Variants in CRACDL observed in about 807,000 individuals in gnomAD.
CRACDL encodes CRACD like.
CRACDL carries 26 observed loss-of-function variants against 70.6 expected under a neutral mutation model. The ratio of observed to expected loss-of-function variants is 0.37; its 90% CI spans 0.27 to 0.51. The LOEUF is 0.51. Among genes scored for constraint, CRACDL ranks in the 20% least tolerant of loss-of-function variants. CRACDL has a pLI of 0.94. For missense variants in CRACDL, 1,283 were observed against 1,376.9 expected (o/e 0.93, Z 1.08); for synonymous variants, 618 against 615.2 (o/e 1.00, Z -0.07).
chr2:98,931,821 C>A (rs1016091505), intron 1 of CRACDL, among the ~76,000 whole-genome samples: 1 of 152,210 alleles, frequency 6.6e-6, no homozygotes, highest in African/African-American at 2.4e-5. Context: ...TGCCCTGTTA[C>A]ATCACATGCC....
At chr2:98,902,527 G>A (rs1708308363) in intron 1 of CRACDL, among the ~76,000 whole-genome samples, 1 of 152,160 alleles carries the variant, frequency 6.6e-6, no homozygotes, top group Non-Finnish European at 1.5e-5. Context: ...GGGCACAGGC[G>A]TTCTGGTCTT....
chr2:98,921,068 C>T (rs1708789597), intron 1 of CRACDL, among the ~76,000 whole-genome samples: 1 of 152,226 alleles, frequency 6.6e-6, no homozygotes, highest in Admixed American at 6.5e-5. Context: ...AGAACCTTCT[C>T]AACAAGGTCC....
At chr2:98,844,848 T>A (rs1706183561) in intron 2 of CRACDL, among the ~76,000 whole-genome samples, 1 of 152,204 alleles carries the variant, frequency 6.6e-6, no homozygotes, top group Non-Finnish European at 1.5e-5. Flanking sequence ...AGTACCTGGG[T>A]TTGCATCCAG....
At chr2:98,847,783 AGG>A (rs573416803) in intron 1 of CRACDL, among the ~76,000 whole-genome samples, 1 of 152,252 alleles carries the variant, frequency 6.6e-6, no homozygotes, top group African/African-American at 2.4e-5. Context: ...ACACTTAAAA[AGG>A]GGGGCTTGAA....
chr2:98,845,983 G>A (rs1706238471), intron 2 of CRACDL, among the ~76,000 whole-genome samples: 2 of 152,132 alleles, frequency 1.3e-5, no homozygotes, highest in African/African-American at 4.8e-5. Context: ...ATTGGGAGCT[G>A]TTTCTCCTGA....
At chr2:98,906,112 T>A (rs1048611291) in intron 1 of CRACDL, among the ~76,000 whole-genome samples, 1 of 152,238 alleles carries the variant, frequency 6.6e-6, no homozygotes, top group African/African-American at 2.4e-5. Context: ...ACTAAGGCTC[T>A]GCTAATTTCT....
At chr2:98,881,629 TC>T (rs1211471389) in intron 1 of CRACDL, among the ~76,000 whole-genome samples, 4 of 152,154 alleles carry the variant, frequency 2.6e-5, no homozygotes, top group Admixed American at 2.6e-4. Context: ...CCTCGTGTCA[TC>T]AGGGGAGCCT....
intron 1 of CRACDL, among the ~76,000 whole-genome samples, chr2:98,895,261 T>C (rs2104644542): frequency 6.6e-6 from 1 of 152,334 alleles, no homozygotes; most frequent in East Asian, 1.9e-4. Flanking sequence ...AGGGAGGGCC[T>C]TGATGGCAAA....
intron 1 of CRACDL, among the ~76,000 whole-genome samples, chr2:98,934,588 G>A (rs1709163807): frequency 6.6e-6 from 1 of 152,148 alleles, no homozygotes; most frequent in Admixed American, 6.5e-5. Flanking sequence ...CGCATCCTAT[G>A]CAGCAGCTGA....
rs573536620 is a variant in CRACDL at position 98,923,288 on chromosome 2, A to G, written c.-11+12650T>C. ...ACTGTCTCAAAAAAAAAAAAAAAAGAAAAAGAAAATTGTGATCATGTTTGG... is the reference window on the plus strand; with the variant it reads ...ACTGTCTCAAAAAAAAAAAAAAAAGGAAAAGAAAATTGTGATCATGTTTGG... On this transcript the variant is annotated intron_variant, in intron 1 of 9. Transcript: ENST00000397899. Among the ~76,000 whole-genome samples, 82 of 151,668 alleles carry G rather than the reference A, an allele frequency of 5.4e-4. 1 individual carries two copies. Among genetic ancestry groups the G allele is most frequent in the Admixed American group, 1.7e-3 (26 of 15,230 alleles).
intron 1 of CRACDL, among the ~76,000 whole-genome samples, chr2:98,886,277 C>A (rs72813021): frequency 0.036 from 5,494 of 152,326 alleles, 133 homozygotes; most frequent in Middle Eastern, 0.065. Flanking sequence ...TCAGAAGTCA[C>A]CCAGTGTGAA....
intron 7 of CRACDL, among the ~76,000 whole-genome samples, chr2:98,801,691 T>TG (rs1704083044): frequency 6.6e-6 from 1 of 152,188 alleles, no homozygotes; most frequent in Admixed American, 6.5e-5. Context: ...GGTGTGATTG[T>TG]GAAGATTGGG....
chr2:98,883,363 G>A (rs1001098733), intron 1 of CRACDL, among the ~76,000 whole-genome samples: 1 of 152,220 alleles, frequency 6.6e-6, no homozygotes, highest in Non-Finnish European at 1.5e-5. Flanking sequence ...ACATGCCTAG[G>A]CACCACAATC....
At chr2:98,930,315 ACCCCATCCCCATCCCCACCCTCTGTACCG>A (rs1291789024) in intron 1 of CRACDL, among the ~76,000 whole-genome samples, 5 of 107,828 alleles carry the variant, frequency 4.6e-5, no homozygotes, top group African/African-American at 2.0e-4. Context: ...CGTGTCCCCT[ACCCCATCCCCATCCCCACCCTCTGTACCG>A]TGTCCCCTAC....
At chr2:98,795,804 C>T (rs761980732) in intron 9 of CRACDL, among the ~76,000 whole-genome samples, 6 of 152,174 alleles carry the variant, frequency 3.9e-5, no homozygotes, top group Non-Finnish European at 8.8e-5. Flanking sequence ...AGACGGCCCT[C>T]TGTTTTCTCA....
At chr2:98,870,501 T>G (rs1227388773) in intron 1 of CRACDL, among the ~76,000 whole-genome samples, 1 of 122,064 alleles carries the variant, frequency 8.2e-6, no homozygotes, top group African/African-American at 3.3e-5. Context: ...ACTGTGCTCC[T>G]GCCAACGACT....
In CRACDL at chr2:98,832,992, G is replaced by T; in HGVS notation, c.245C>A (p.Ser82Ter). 6.2e-7 allele frequency: 1 copy of T among 1,612,112 alleles called. No individual in the cohort carries two copies. The highest frequency in any genetic ancestry group is 1.1e-5 in the South Asian group (1 of 90,878). ...GYDSEDELEESRGTLGSRALS... is the reference protein window; with the variant it reads ...GYDSEDELEE ...GGCCCGGCTGCCCAGCGTGCCCCTC[G>T]ACTCCCTAGGATAAAAGAGCCACTG... The change falls in exon 4 of 10, where the codon TCG (serine) becomes TAG (stop). Residue 82 changes from serine to a stop codon, truncating the protein, a stop_gained. Coordinates refer to ENST00000397899, the MANE Select transcript of CRACDL (RefSeq NM_207362.3). LOFTEE classifies it high-confidence loss of function.
At chr2:98,883,791 GA>G (rs1707720700) in intron 1 of CRACDL, among the ~76,000 whole-genome samples, 1 of 152,214 alleles carries the variant, frequency 6.6e-6, no homozygotes, top group Admixed American at 6.5e-5. Flanking sequence ...ATCAAAAGGG[GA>G]AAACAAGGCC....
chr2:98,827,504 C>A (rs746561335), intron 5 of CRACDL, among the ~76,000 whole-genome samples: 16 of 152,186 alleles, frequency 1.1e-4, no homozygotes, highest in African/African-American at 2.7e-4. Context: ...GTTGGCCAGG[C>A]TGGTCTTAAA....
Sources: gnomAD v4.1 joint callset for allele counts (sites outside exome capture counted in the v4.1 genomes callset) on GRCh38, gnomAD v4.1.1 for gene constraint, MANE v1.5 for transcripts, NCBI Gene and HGNC (gene_info 2026-07-23, HGNC 2026-07-21) for gene names.